HPSE2: variants seen among roughly 807,000 people sequenced by gnomAD.
HPSE2 encodes the protein heparanase 2 (inactive).
Under a neutral mutation model 60.5 loss-of-function variants are expected in HPSE2, and 38 were observed. That is an observed-to-expected ratio of 0.63 (90% CI 0.48 to 0.82). The LOEUF (loss-of-function observed/expected upper bound fraction) is 0.82, where lower values mean the gene tolerates loss of function less well. Ranked by LOEUF, HPSE2 falls within the 40% of genes least tolerant of loss-of-function variation. The pLI, the probability that HPSE2 is intolerant of heterozygous loss-of-function variation, is 0.00. For missense variants in HPSE2, 713 were observed against 740.4 expected (o/e 0.96, Z 0.43); for synonymous variants, 295 against 293.2 (o/e 1.01, Z -0.06).
At chr10:98,756,070 A>C (rs1008193562) in intron 3 of HPSE2, among the ~76,000 whole-genome samples, 4 of 152,182 alleles carry the variant, frequency 2.6e-5, no homozygotes, top group African/African-American at 7.2e-5. Flanking sequence ...CTGTTCCCGA[A>C]TGACTTTTAG....
intron 4 of HPSE2, among the ~76,000 whole-genome samples, chr10:98,723,822 A>T (rs1303606454): frequency 6.6e-6 from 1 of 151,874 alleles, no homozygotes; most frequent in Non-Finnish European, 1.5e-5. Flanking sequence ...CCCCTTTGTC[A>T]TTTTTTATTG....
At chr10:98,919,145 A>G (rs1366235649) in intron 3 of HPSE2, among the ~76,000 whole-genome samples, 1 of 152,226 alleles carries the variant, frequency 6.6e-6, no homozygotes, top group Admixed American at 6.5e-5. Flanking sequence ...AAAAACTTCA[A>G]ACTAAATACC....
intron 5 of HPSE2, among the ~76,000 whole-genome samples, chr10:98,704,543 G>A (rs889061223): frequency 4.6e-5 from 7 of 152,112 alleles, no homozygotes; most frequent in Admixed American, 4.6e-4. Context: ...AAACAGCATG[G>A]TACTTGTCCC....
intron 2 of HPSE2, among the ~76,000 whole-genome samples, chr10:99,224,420 G>GACACACACAC (rs34148639): frequency 3.7e-4 from 53 of 143,672 alleles, no homozygotes; most frequent in African/African-American, 1.2e-3. Context: ...CTTTCTCTCT[G>GACACACACAC]ACACACACAC....
At chr10:99,283,098 A>G in the HPSE2 span, among the ~76,000 whole-genome samples, 1 of 151,742 alleles carries the variant, frequency 6.6e-6, no homozygotes, top group Non-Finnish European at 1.5e-5. Context: ...AGGCAGGAGA[A>G]TGGTGTGAAC....
intron 3 of HPSE2, among the ~76,000 whole-genome samples, chr10:98,916,739 G>C (rs1954129025): frequency 6.6e-6 from 1 of 152,152 alleles, no homozygotes; most frequent in Non-Finnish European, 1.5e-5. Flanking sequence ...TTAAGTTTGG[G>C]TGTTTATATT....
At chr10:99,213,833 C>A (rs1849029736) in intron 2 of HPSE2, among the ~76,000 whole-genome samples, 1 of 152,066 alleles carries the variant, frequency 6.6e-6, no homozygotes, top group Admixed American at 6.5e-5. Context: ...ATCTACCTCT[C>A]AGAGACATTG....
At chr10:99,211,227 C>T (rs1317187475) in intron 2 of HPSE2, among the ~76,000 whole-genome samples, 1 of 151,890 alleles carries the variant, frequency 6.6e-6, no homozygotes, top group Non-Finnish European at 1.5e-5. Context: ...GACTCGTACA[C>T]ATAAGAGCTA....
At chr10:98,727,090 AAT>A (rs1402971649) in intron 4 of HPSE2, among the ~76,000 whole-genome samples, 3 of 152,170 alleles carry the variant, frequency 2.0e-5, no homozygotes, top group Admixed American at 2.0e-4. Flanking sequence ...ATGATTAAGA[AAT>A]AAAAAAACTT....
intron 3 of HPSE2, among the ~76,000 whole-genome samples, chr10:99,026,175 T>C (rs1159993655): frequency 6.6e-6 from 1 of 151,912 alleles, no homozygotes. Flanking sequence ...CAAAAAAACA[T>C]ACACTGGCTG....
At chr10:99,077,900 G>C (rs981652035) in intron 3 of HPSE2, among the ~76,000 whole-genome samples, 1 of 152,148 alleles carries the variant, frequency 6.6e-6, no homozygotes, top group Non-Finnish European at 1.5e-5. Context: ...GTAGGTGTTT[G>C]AGTCATGGAG....
intron 9 of HPSE2, among the ~76,000 whole-genome samples, chr10:98,524,416 G>A (rs1279673043): frequency 1.3e-5 from 2 of 152,158 alleles, no homozygotes; most frequent in Non-Finnish European, 2.9e-5. Context: ...CTGACTGTCC[G>A]AGAGGCCACA....
In HPSE2 at chr10:98,836,458, T is replaced by C. The variant is rs149117586; in HGVS notation, c.611-92402A>G. Among the ~76,000 whole-genome samples the C allele has an allele frequency of 2.3e-4, 35 of 152,288 alleles. 1 individual carries two copies. Among genetic ancestry groups the C allele is most frequent in the Middle Eastern group, 3.4e-3 (1 of 294 alleles). On this transcript the variant is annotated intron_variant, in intron 3 of 11. Transcript: ENST00000370552. ...TACATATCTGCCTCCTTGAAGGAGA[T>C]TGACAAAAAGTAGGTTCTCAGGAAA... is the stretch of plus-strand genomic sequence containing the variant.
chr10:99,136,325 G>C (rs1312009917), intron 3 of HPSE2, among the ~76,000 whole-genome samples: 2 of 152,080 alleles, frequency 1.3e-5, no homozygotes, highest in Non-Finnish European at 1.5e-5. Flanking sequence ...AGAGGAACAG[G>C]TACCATTCCT....
At chr10:98,761,884 C>T (rs1430916168) in intron 3 of HPSE2, among the ~76,000 whole-genome samples, 3 of 152,112 alleles carry the variant, frequency 2.0e-5, no homozygotes, top group African/African-American at 7.2e-5. Context: ...AGTAGAAATT[C>T]TGAAAAACAA....
At chr10:98,538,509 T>G (rs1428212044) in intron 9 of HPSE2, among the ~76,000 whole-genome samples, 1 of 152,124 alleles carries the variant, frequency 6.6e-6, no homozygotes, top group African/African-American at 2.4e-5. Context: ...TATGTCTATA[T>G]AATGTCCCCA....
At chr10:98,727,783 T>G (rs1347142981) in intron 4 of HPSE2, among the ~76,000 whole-genome samples, 2 of 151,778 alleles carry the variant, frequency 1.3e-5, no homozygotes, top group African/African-American at 2.4e-5. Flanking sequence ...TAAAAAACAG[T>G]CAAATAAAAT....
At chr10:98,640,861 A>G (rs79864229) in intron 7 of HPSE2, among the ~76,000 whole-genome samples, 4,071 of 152,222 alleles carry the variant, frequency 0.027, 206 homozygotes, top group African/African-American at 0.093. Context: ...CATTATGGAA[A>G]ATCACTTGAC....
At chr10:98,885,874 CTCCA>C (rs1953149654) in intron 3 of HPSE2, among the ~76,000 whole-genome samples, 1 of 151,980 alleles carries the variant, frequency 6.6e-6, no homozygotes, top group African/African-American at 2.4e-5. Context: ...TGAGGCAGGT[CTCCA>C]TCCAAATTAC....
Sources: allele counts gnomAD v4.1 joint callset (sites outside exome capture counted in the v4.1 genomes callset), GRCh38; gene constraint gnomAD v4.1.1; transcripts MANE v1.5; gene names NCBI Gene and HGNC (gene_info 2026-07-23, HGNC 2026-07-21).